The following NKAIN3 variants were observed in gnomAD, a reference collection of about 807,000 sequenced individuals.
NKAIN3 encodes the protein sodium/potassium-transporting ATPase subunit beta-1-interacting protein 3.
A neutral mutation model predicts 30.2 loss-of-function variants in NKAIN3; 25 were observed. The observed-to-expected ratio is 0.83, with a 90% confidence interval of 0.60 to 1.16. NKAIN3 has a LOEUF of 1.16. NKAIN3 is among the 50% of genes most tolerant of loss of function. The probability of loss-of-function intolerance (pLI) is 0.00; values close to 1 mark genes in which losing one functional copy is unlikely to be tolerated. For synonymous variants in NKAIN3, 91 were observed against 89.6 expected, an observed-to-expected ratio of 1.02 and a Z score of -0.09; for missense variants, 225 against 254.1, an observed-to-expected ratio of 0.89 and a Z score of 0.78.
At position 62,981,644 on chromosome 8, in the gene NKAIN3, G is replaced by T. The variant is rs1355525033; in HGVS notation, c.*16237G>T. 2.0e-5 allele frequency: 3 copies of T among 151,574 alleles called. No individual in the cohort carries two copies. Among genetic ancestry groups the T allele is most frequent in the African/African-American group, 2.4e-5 (1 of 41,220 alleles). The allele number at this position is 151,574 out of a possible 1,614,324, so 9.4% of individuals were successfully genotyped here. A position where few individuals can be genotyped will look rare whatever the true frequency, so the allele number is the denominator to read the frequency against. On this transcript the variant is annotated 3_prime_UTR_variant, in exon 7 of 7. Transcript: ENST00000623646. Reference sequence around the variant, plus strand: ...AGGTAGGAAAAAAAAAGACAAAAATGGTATTCTCAGGTGAGCTTACCTTTC... The same window carrying T: ...AGGTAGGAAAAAAAAAGACAAAAATTGTATTCTCAGGTGAGCTTACCTTTC...
intron 4 of NKAIN3, among the ~76,000 whole-genome samples, chr8:62,831,090 G>A (rs542200239): frequency 2.8e-4 from 43 of 152,280 alleles, no homozygotes; most frequent in African/African-American, 9.1e-4. Context: ...TGCGCCATCA[G>A]TTGGCCTGTA....
intron 4 of NKAIN3, among the ~76,000 whole-genome samples, chr8:62,783,777 C>G (rs1817430799): frequency 6.6e-6 from 1 of 151,824 alleles, no homozygotes; most frequent in Admixed American, 6.6e-5. Flanking sequence ...CATGTGCCAC[C>G]ACATGCAGCT....
intron 1 of NKAIN3, among the ~76,000 whole-genome samples, chr8:62,575,375 CAAATA>C (rs1460776480): frequency 6.6e-6 from 1 of 151,840 alleles, no homozygotes; most frequent in Non-Finnish European, 1.5e-5. Context: ...ATAATAGCTA[CAAATA>C]AAATTAAATG....
In NKAIN3 at chr8:62,997,834, G is replaced by A. The variant is rs563700669; in HGVS notation, c.533-1397G>A. 2.2e-3 allele frequency among the ~76,000 whole-genome samples: 334 copies of A among 151,090 alleles called. 3 individuals carry two copies. The highest frequency in any genetic ancestry group is 0.016 in the South Asian group (78 of 4,744). ...GAAATCTGAGCGTATTTTTGACAAT[G>A]CAATAGCCCCCTCCTCCAGAACCTC... is the stretch of plus-strand genomic sequence containing the variant. On this transcript the variant is annotated intron_variant, in intron 5 of 5. Transcript: ENST00000519049.
At chr8:62,677,165 G>T (rs76792111) in intron 3 of NKAIN3, among the ~76,000 whole-genome samples, 1 of 152,138 alleles carries the variant, frequency 6.6e-6, no homozygotes, top group Non-Finnish European at 1.5e-5. Flanking sequence ...ACTGAGGTGC[G>T]TTCTCAGAAA....
intron 4 of NKAIN3, among the ~76,000 whole-genome samples, chr8:62,777,447 T>C (rs2130646800): frequency 1.3e-5 from 2 of 152,276 alleles, no homozygotes; most frequent in Middle Eastern, 6.8e-3. Flanking sequence ...AGCTCACTAA[T>C]TCTTTCTTCT....
chr8:62,731,841 G>T (rs1447756993), intron 3 of NKAIN3, among the ~76,000 whole-genome samples: 1 of 152,088 alleles, frequency 6.6e-6, no homozygotes, highest in South Asian at 2.1e-4. Flanking sequence ...TTCTTCAAGA[G>T]CACTTCCTCA....
chr8:62,268,954 T>C (rs1812692230), intron 1 of NKAIN3, among the ~76,000 whole-genome samples: 2 of 152,168 alleles, frequency 1.3e-5, no homozygotes, highest in South Asian at 4.1e-4. Flanking sequence ...GTACAGTTAT[T>C]GCATTTCTGG....
chr8:62,858,138 C>G (rs1253083589), intron 4 of NKAIN3, among the ~76,000 whole-genome samples: 2 of 152,016 alleles, frequency 1.3e-5, no homozygotes, highest in Non-Finnish European at 2.9e-5. Context: ...GGAGTCTGCT[C>G]CAGACCCTAG....
At chr8:62,708,763 A>G (rs1212199228) in intron 3 of NKAIN3, among the ~76,000 whole-genome samples, 2 of 152,134 alleles carry the variant, frequency 1.3e-5, no homozygotes. Flanking sequence ...ACTATGTTGA[A>G]GAGGAGTGGT....
At chr8:62,444,026 A>G (rs558530455) in intron 1 of NKAIN3, among the ~76,000 whole-genome samples, 1 of 152,284 alleles carries the variant, frequency 6.6e-6, no homozygotes, top group Non-Finnish European at 1.5e-5. Flanking sequence ...TAAACAGTTA[A>G]TGGTTCCAAT....
intron 4 of NKAIN3, among the ~76,000 whole-genome samples, chr8:62,805,717 A>G (rs2130703780): frequency 6.6e-6 from 1 of 152,344 alleles, no homozygotes; most frequent in South Asian, 2.1e-4. Flanking sequence ...AAACCTAGGC[A>G]TTACCATTCA....
At chr8:62,705,500 CT>C (rs1439475388) in intron 3 of NKAIN3, among the ~76,000 whole-genome samples, 5 of 152,080 alleles carry the variant, frequency 3.3e-5, no homozygotes, top group African/African-American at 9.7e-5. Flanking sequence ...AAATTCATGA[CT>C]TTTTTTGGAA....
rs1362209985 is a variant in NKAIN3, at chr8:62,967,701, A to G, written c.*2294A>G. Among the ~76,000 whole-genome samples, 1 of 152,082 alleles carries G rather than the reference A, an allele frequency of 6.6e-6. No homozygotes were observed. The highest frequency in any genetic ancestry group is 6.6e-5 in the Admixed American group (1 of 15,256). On this transcript the variant is annotated 3_prime_UTR_variant, in exon 7 of 7. Coordinates refer to ENST00000623646, the MANE Select transcript of NKAIN3 (RefSeq NM_001304533.3). ...TTAGTATTGTTACGATTATTGAAAA[A>G]GCTGATAAAACATCAAAACTGTAGA...
rs149228633 is a variant in NKAIN3, at chr8:62,596,447, A to G, written c.273+6653A>G. ...ACCTTTTTAGGTTTCTGTACAGCCA[A>G]TAGTAATCTCCTAATGGCTTCCTGA... On this transcript the variant is annotated intron_variant, in intron 3 of 6. Transcript: ENST00000623646. Among the ~76,000 whole-genome samples, 287 of 152,126 alleles carry G rather than the reference A, an allele frequency of 1.9e-3. 1 individual carries two copies. Among genetic ancestry groups the G allele is most frequent in the African/African-American group, 6.8e-3 (281 of 41,534 alleles).
chr8:62,638,511 C>A (rs1812204671), intron 3 of NKAIN3, among the ~76,000 whole-genome samples: 1 of 152,104 alleles, frequency 6.6e-6, no homozygotes. Context: ...ATCTTGGCAA[C>A]TTGTGATTGA....
intron 3 of NKAIN3, among the ~76,000 whole-genome samples, chr8:62,729,083 G>A (rs940860691): frequency 8.8e-6 from 1 of 114,052 alleles, no homozygotes; most frequent in Non-Finnish European, 1.8e-5. Flanking sequence ...ATTGGCAAGA[G>A]AATAAGACAG....
intron 1 of NKAIN3, among the ~76,000 whole-genome samples, chr8:62,460,422 A>T (rs1805961784): frequency 6.6e-6 from 1 of 152,062 alleles, no homozygotes; most frequent in Non-Finnish European, 1.5e-5. Context: ...AAAAAAAAAA[A>T]AAAAAGAAAG....
At chr8:62,256,203 A>G (rs1053793222) in intron 1 of NKAIN3, among the ~76,000 whole-genome samples, 3 of 152,044 alleles carry the variant, frequency 2.0e-5, no homozygotes, top group East Asian at 3.9e-4. Flanking sequence ...ACTTGAGGCC[A>G]GGAGTTTGGG....
Sources: allele counts gnomAD v4.1 joint callset (sites outside exome capture counted in the v4.1 genomes callset), GRCh38; gene constraint gnomAD v4.1.1; transcripts MANE v1.5; gene names NCBI Gene and HGNC (gene_info 2026-07-23, HGNC 2026-07-21).